Variants in PNLIPRP1 observed in about 807,000 individuals in gnomAD.
PNLIPRP1 encodes pancreatic lipase related protein 1.
PNLIPRP1 carries 57 observed loss-of-function variants against 54.6 expected under a neutral mutation model. The observed-to-expected ratio is 1.04, with a 90% confidence interval of 0.84 to 1.30. The LOEUF is 1.30. Among genes scored for constraint, PNLIPRP1 ranks in the 50% most tolerant of loss-of-function variants. The pLI is 0.00. For missense variants in PNLIPRP1, 567 were observed against 568.5 expected (o/e 1.00, Z 0.03); for synonymous variants, 232 against 208.8 (o/e 1.11, Z -0.96).
chr10:116,602,209 C>T (rs1037676798), intron 10 of PNLIPRP1, among the ~76,000 whole-genome samples: 4 of 152,092 alleles, frequency 2.6e-5, no homozygotes, highest in East Asian at 1.9e-4. Flanking sequence ...TTAGTAGAGA[C>T]GGGGTTTCAC....
intron 8 of PNLIPRP1, among the ~76,000 whole-genome samples, chr10:116,599,347 G>A (rs1193223216): frequency 6.6e-6 from 1 of 150,618 alleles, no homozygotes; most frequent in Non-Finnish European, 1.5e-5. Flanking sequence ...AGCCTCATGA[G>A]GGTTTGCGTG....
At chr10:116,606,851 T>C (rs1222473184) in intron 12 of PNLIPRP1, among the ~76,000 whole-genome samples, 2 of 152,198 alleles carry the variant, frequency 1.3e-5, no homozygotes, top group African/African-American at 4.8e-5. Flanking sequence ...CCTCGCTGTC[T>C]GCTCCAGAAA....
At chr10:116,600,434 G>A in intron 9 of PNLIPRP1, 1 of 328,756 alleles carries the variant, frequency 3.0e-6, no homozygotes, top group Non-Finnish European at 5.6e-6. Context: ...CTTCCTGCAG[G>A]AGGCAACCTC....
intron 8 of PNLIPRP1, among the ~76,000 whole-genome samples, chr10:116,599,581 G>C (rs1205456197): frequency 6.6e-6 from 1 of 152,146 alleles, no homozygotes; most frequent in African/African-American, 2.4e-5. Context: ...CCTCGCATTG[G>C]CTTGGTCATG....
At chr10:116,592,389 C>A in intron 3 of PNLIPRP1, 27 bp from the exon 4 acceptor site, 1 of 1,567,184 alleles carries the variant, frequency 6.4e-7, no homozygotes, top group South Asian at 1.2e-5. Flanking sequence ...GCTGCGAAAA[C>A]ATGAAGCACT....
In PNLIPRP1 at chr10:116,591,651, G is replaced by T. The variant is rs375738534; in HGVS notation, c.50-120G>T. The T allele has an allele frequency of 3.2e-5, 32 of 1,004,684 alleles. No homozygotes were observed. In the South Asian group the frequency reaches 3.4e-4, roughly 11 times the overall value. The allele number at this position is 1,004,684 out of a possible 1,614,324, so 62.2% of individuals were successfully genotyped here. On this transcript the variant is annotated intron_variant, in intron 2 of 12. Coordinates refer to ENST00000358834, the MANE Select transcript of PNLIPRP1 (RefSeq NM_006229.4). ...GAAGAGAGTGGGAGGGGTTGCAGTA[G>T]GTTCATCCATTGTCTTCAGACTGTC...
At position 116,601,065 on chromosome 10, in the gene PNLIPRP1, T is replaced by G; in HGVS notation, c.934-7T>G. On this transcript the variant is annotated splice_region_variant and splice_polypyrimidine_tract_variant and intron_variant, in intron 9 of 12. Transcript: ENST00000358834. ...TCCTTACAGTCCCATCTATCTCTTC[T>G]CATTAGGACAAGTGCTTCCCGTGTC... 6.2e-7 allele frequency: 1 copy of G among 1,606,336 alleles called. No homozygotes were observed. Among genetic ancestry groups the G allele is most frequent in the Non-Finnish European group, 8.5e-7 (1 of 1,177,622 alleles).
At position 116,598,063 on chromosome 10, in the gene PNLIPRP1, AC is replaced by A. The variant is rs781805205; in HGVS notation, c.712del (p.Gln238ArgfsTer29). 1 of 1,614,184 alleles carries A rather than the reference AC, an allele frequency of 6.2e-7. No homozygotes were observed. Among genetic ancestry groups the A allele is most frequent in the Non-Finnish European group, 8.5e-7 (1 of 1,180,040 alleles). ...IPFLGFGTNQ[Q>X]MGHLDFFPNG... ...GCATTTCAGGTTTTGGAACGAACCA[AC>A]AGATGGGTCATCTTGACTTCTTCCC... On this transcript the variant is annotated frameshift_variant, in exon 8 of 13. Coordinates refer to ENST00000358834, the MANE Select transcript of PNLIPRP1 (RefSeq NM_006229.4). LOFTEE classifies it high-confidence loss of function.
intron 8 of PNLIPRP1, among the ~76,000 whole-genome samples, chr10:116,599,273 A>AAAT (rs1847789558): frequency 6.6e-6 from 1 of 150,920 alleles, no homozygotes; most frequent in Non-Finnish European, 1.5e-5. Flanking sequence ...AAATAAAATA[A>AAAT]AATAAAATAA....
At position 116,591,144 on chromosome 10, in the gene PNLIPRP1, G is replaced by C; in HGVS notation, c.15G>C (p.Trp5Cys). MLIF[W>C]TITLFLLGAA... Reference sequence around the variant, plus strand: ...ATTTATTGTAGATGCTGATCTTCTGGACAATCACACTTTTCCTGCTGGGAG... The same window carrying C: ...ATTTATTGTAGATGCTGATCTTCTGCACAATCACACTTTTCCTGCTGGGAG... The change falls in exon 2 of 13, where the codon TGG (tryptophan) becomes TGC (cysteine). Residue 5 changes from tryptophan (W) to cysteine (C), a missense_variant. Trp to Cys is a radical substitution (Grantham distance 215). Transcript: ENST00000358834. 1 of 1,613,576 alleles carries C rather than the reference G, an allele frequency of 6.2e-7. No individual in the cohort carries two copies. The highest frequency in any genetic ancestry group is 1.1e-5 in the South Asian group (1 of 91,072).
At chr10:116,602,936 GATGT>G (rs1314909327) in intron 10 of PNLIPRP1, among the ~76,000 whole-genome samples, 13 of 34,946 alleles carry the variant, frequency 3.7e-4, no homozygotes, top group African/African-American at 7.5e-4. Context: ...TGTTTGTGTA[GATGT>G]ATGTGTGTGT....
chr10:116,596,074 C>T (rs1297306571), intron 5 of PNLIPRP1, 140 bp from the exon 6 acceptor site: 11 of 671,008 alleles, frequency 1.6e-5, no homozygotes, highest in African/African-American at 5.4e-5. Context: ...GCTCGGAGGC[C>T]TTCAGAATGA....
At chr10:116,602,703 A>C (rs1554864968) in intron 10 of PNLIPRP1, among the ~76,000 whole-genome samples, 2 of 152,210 alleles carry the variant, frequency 1.3e-5, no homozygotes, top group African/African-American at 4.8e-5. Context: ...ATGTCTGTGT[A>C]TATTAATGTA....
intron 12 of PNLIPRP1, among the ~76,000 whole-genome samples, chr10:116,606,433 A>G (rs1554865582): frequency 6.6e-6 from 1 of 152,130 alleles, no homozygotes. Context: ...AGAGCATAGT[A>G]CAGAGGAGGC....
intron 11 of PNLIPRP1, 73 bp from the exon 12 acceptor site, chr10:116,605,313 C>T: frequency 1.3e-6 from 1 of 780,822 alleles, no homozygotes; most frequent in Non-Finnish European, 2.0e-6. Flanking sequence ...GAAGAGAAAA[C>T]AGCAGCCTGG....
intron 11 of PNLIPRP1, among the ~76,000 whole-genome samples, chr10:116,604,494 G>A (rs1434690149): frequency 6.6e-6 from 1 of 152,028 alleles, no homozygotes; most frequent in African/African-American, 2.4e-5. Context: ...TGCCATCTAC[G>A]TTTGTGTGAG....
chr10:116,603,896 AAAT>A (rs1188115245), intron 10 of PNLIPRP1, 131 bp from the exon 11 acceptor site: 134 of 509,400 alleles, frequency 2.6e-4, no homozygotes, highest in Non-Finnish European at 3.8e-4. Flanking sequence ...CCATCTCAAA[AAAT>A]AATAATAATA....
chr10:116,594,688 G>T (rs1847702608), intron 4 of PNLIPRP1, 42 bp from the exon 5 acceptor site: 1 of 1,612,122 alleles, frequency 6.2e-7, no homozygotes, highest in African/African-American at 1.3e-5. Context: ...GGTTTCCCCT[G>T]CTCCCATTAT....
rs114165255 is a variant in PNLIPRP1, at chr10:116,598,142, G to A, written c.790G>A (p.Val264Met). The A allele has an allele frequency of 1.1e-5, 18 of 1,613,862 alleles. No individual in the cohort carries two copies. Among genetic ancestry groups the A allele is most frequent in the Admixed American group, 8.3e-5 (5 of 59,990 alleles). ...GCKKNALSQI[V>M]DLDGIWAGTR... is the part of the protein sequence containing the mutation. ...CAAGAAGAATGCCCTGTCTCAGATC[G>A]TGGATCTAGATGGCATCTGGGCGGG... Residue 264 changes from valine to methionine, a missense_variant, in exon 8 of 13, where the codon GTG becomes ATG. Val to Met is a conservative substitution (Grantham distance 21). Transcript: ENST00000358834.
Sources: allele counts gnomAD v4.1 joint callset (sites outside exome capture counted in the v4.1 genomes callset), GRCh38; gene constraint gnomAD v4.1.1; transcripts MANE v1.5; gene names NCBI Gene and HGNC (gene_info 2026-07-23, HGNC 2026-07-21).